IL1RAPL1: variants seen among roughly 807,000 people sequenced by gnomAD.
IL1RAPL1 encodes the protein interleukin-1 receptor accessory protein-like 1.
Under a neutral mutation model 48.4 loss-of-function variants are expected in IL1RAPL1, and 3 were observed. The observed-to-expected ratio is 0.06, with a 90% CI of 0.03 to 0.16. The LOEUF (loss-of-function observed/expected upper bound fraction) is 0.16. Ranked by LOEUF, IL1RAPL1 falls within the 10% of genes least tolerant of loss-of-function variation. The pLI is 1.00. For synonymous variants in IL1RAPL1, 185 were observed against 187.7 expected (o/e 0.99, Z 0.12); for missense variants, 349 against 530.6 (o/e 0.66, Z 3.36).
chrX:29,621,157 A>G (rs1924448750), intron 5 of IL1RAPL1, among the ~76,000 whole-genome samples: 1 of 112,010 alleles, frequency 8.9e-6, no homozygotes, highest in African/African-American at 3.2e-5. Flanking sequence ...TCAAGTGGTT[A>G]CAACTAATAA....
At chrX:29,926,100 C>T (rs1007404144) in intron 8 of IL1RAPL1, among the ~76,000 whole-genome samples, 8 of 111,162 alleles carry the variant, frequency 7.2e-5, no homozygotes, top group Non-Finnish European at 1.3e-4. Context: ...CCTCCACCTC[C>T]TGAGTTCAAG....
intron 2 of IL1RAPL1, among the ~76,000 whole-genome samples, chrX:29,224,284 G>T (rs190896029): frequency 9.0e-6 from 1 of 110,867 alleles, no homozygotes; most frequent in Non-Finnish European, 1.9e-5. Flanking sequence ...AAGTCACTAG[G>T]TTTAAATTTT....
At chrX:29,347,415 GTCTC>G (rs1933165762) in intron 3 of IL1RAPL1, among the ~76,000 whole-genome samples, 2 of 101,496 alleles carry the variant, frequency 2.0e-5, no homozygotes, top group South Asian at 4.8e-4. Context: ...GAGAGAGAGG[GTCTC>G]TCTCTATCAC....
At chrX:28,788,018 T>G (rs1196875534) in intron 1 of IL1RAPL1, among the ~76,000 whole-genome samples, 1 of 111,323 alleles carries the variant, frequency 9.0e-6, no homozygotes, top group African/African-American at 3.3e-5. Flanking sequence ...TGGGGAGATG[T>G]TGGTCAGAGG....
intron 5 of IL1RAPL1, among the ~76,000 whole-genome samples, chrX:29,493,616 C>A (rs1332775001): frequency 1.8e-5 from 2 of 111,483 alleles, no homozygotes; most frequent in Non-Finnish European, 3.8e-5. Context: ...TGCTGCATAA[C>A]CTTAATAAAC....
chrX:29,558,631 G>A (rs760095795), intron 5 of IL1RAPL1, among the ~76,000 whole-genome samples: 1 of 111,779 alleles, frequency 8.9e-6, no homozygotes, highest in African/African-American at 3.2e-5. Flanking sequence ...ATGTCAAAAA[G>A]CATTTCCCTT....
intron 3 of IL1RAPL1, among the ~76,000 whole-genome samples, chrX:29,392,456 G>A (rs1030367956): frequency 1.8e-5 from 2 of 112,568 alleles, no homozygotes; most frequent in African/African-American, 6.5e-5. Flanking sequence ...CTTGCTTCCT[G>A]TTAGCTCTTC....
At chrX:29,890,648 G>A (rs1489022553) in intron 6 of IL1RAPL1, among the ~76,000 whole-genome samples, 2 of 112,063 alleles carry the variant, frequency 1.8e-5, no homozygotes, top group Admixed American at 1.9e-4. Context: ...AAATTATACT[G>A]TGCCTCCTAG....
intron 2 of IL1RAPL1, among the ~76,000 whole-genome samples, chrX:28,821,146 A>C (rs745859793): frequency 8.9e-6 from 1 of 111,822 alleles, no homozygotes; most frequent in Non-Finnish European, 1.9e-5. Context: ...AAATTGAAAC[A>C]TTTTAACTTG....
Position 29,724,468 on chromosome X carries a change from A to T in IL1RAPL1, c.778+55964A>T, listed in dbSNP as rs189211944. The stretch of plus-strand genomic sequence containing the variant: ...ATCATTACAAAGTAATACATTGACA[A>T]TTACAAAGCTAGCATGCTCCTGAGA... On this transcript the variant is annotated intron_variant, in intron 6 of 10. Coordinates refer to ENST00000378993, the MANE Select transcript of IL1RAPL1 (RefSeq NM_014271.4). 2.7e-5 allele frequency among the ~76,000 whole-genome samples: 3 copies of T among 112,521 alleles called. No homozygotes were observed. The Admixed American group carries it at 2.8e-4, about 11-fold the overall frequency.
chrX:29,265,365 C>A (rs1931934952), intron 2 of IL1RAPL1, among the ~76,000 whole-genome samples: 1 of 109,464 alleles, frequency 9.1e-6, no homozygotes, highest in African/African-American at 3.3e-5. Flanking sequence ...TTTTAATTCA[C>A]CTTCTTGAAA....
intron 1 of IL1RAPL1, among the ~76,000 whole-genome samples, chrX:28,764,520 T>C (rs2147252831): frequency 9.0e-6 from 1 of 111,565 alleles, no homozygotes; most frequent in East Asian, 2.8e-4. Context: ...CTGGCCAATA[T>C]GGTGAAACAC....
chrX:28,776,371 G>A (rs1470268806), intron 1 of IL1RAPL1, among the ~76,000 whole-genome samples: 1 of 111,787 alleles, frequency 8.9e-6, no homozygotes, highest in Admixed American at 9.5e-5. Flanking sequence ...CAGACATAAA[G>A]CAATTTATAT....
At chrX:29,836,014 C>CT (rs1279356577) in intron 6 of IL1RAPL1, among the ~76,000 whole-genome samples, 1 of 105,934 alleles carries the variant, frequency 9.4e-6, no homozygotes, top group African/African-American at 3.4e-5. Flanking sequence ...CTGCTCTGAT[C>CT]TTTATCATTC....
At position 29,955,941 on chromosome X, in the gene IL1RAPL1, GA is replaced by G. The variant is rs1933412506; in HGVS notation, c.*126del. 3.5e-6 allele frequency: 2 copies of G among 566,826 alleles called. No individual in the cohort carries two copies. Among genetic ancestry groups the G allele is most frequent in the Non-Finnish European group, 6.1e-6 (2 of 327,181 alleles). 46.7% of individuals were successfully genotyped at this position (566,826 alleles called of 1,213,427 possible). Reference sequence around the variant, plus strand: ...TGCATTAGAATCTCTAGAACACGAGGAAAAACAGGGTCTTGTACATATGTTT... The same window carrying G: ...TGCATTAGAATCTCTAGAACACGAGGAAAACAGGGTCTTGTACATATGTTT... On this transcript the variant is annotated 3_prime_UTR_variant, in exon 11 of 11. Coordinates refer to ENST00000378993, the MANE Select transcript of IL1RAPL1 (RefSeq NM_014271.4).
chrX:29,173,429 C>G (rs1239330356), intron 2 of IL1RAPL1, among the ~76,000 whole-genome samples: 2 of 111,777 alleles, frequency 1.8e-5, no homozygotes, highest in Non-Finnish European at 3.8e-5. Flanking sequence ...GATAGCTACT[C>G]TATGGTTTAC....
chrX:28,612,835 CA>C (rs1471363689), intron 1 of IL1RAPL1, among the ~76,000 whole-genome samples: 7 of 111,935 alleles, frequency 6.3e-5, no homozygotes, highest in African/African-American at 2.0e-4. Context: ...TTTATCTTTG[CA>C]ACAGGCTCTA....
intron 2 of IL1RAPL1, among the ~76,000 whole-genome samples, chrX:28,946,432 C>G (rs1924306836): frequency 9.0e-6 from 1 of 110,902 alleles, no homozygotes; most frequent in Non-Finnish European, 1.9e-5. Flanking sequence ...TTATAGAAAA[C>G]TTACTTTCTC....
chrX:29,691,364 C>T (rs746034083), intron 6 of IL1RAPL1, among the ~76,000 whole-genome samples: 54 of 110,987 alleles, frequency 4.9e-4, no homozygotes, highest in African/African-American at 1.6e-3. Context: ...CTGGGTTGCT[C>T]GATGTATTTA....
Sources: allele counts gnomAD v4.1 joint callset (sites outside exome capture counted in the v4.1 genomes callset), GRCh38; gene constraint gnomAD v4.1.1; transcripts MANE v1.5; gene names NCBI Gene and HGNC (gene_info 2026-07-23, HGNC 2026-07-21).